The following PRKN variants were observed in gnomAD, a reference collection of about 807,000 sequenced individuals.
The protein encoded by PRKN is E3 ubiquitin-protein ligase parkin.
In PRKN, 56 loss-of-function variants were observed where a neutral mutation model predicts 59.5. The ratio of observed to expected loss-of-function variants is 0.94; its 90% CI spans 0.76 to 1.18. The LOEUF is 1.18. Ranked by LOEUF, PRKN falls within the 50% of genes most tolerant of loss-of-function variation. PRKN has a pLI of 0.00. For synonymous variants in PRKN, 250 were observed against 222.1 expected, an observed-to-expected ratio of 1.13 and a Z score of -1.12; for missense variants, 657 against 596.4, an observed-to-expected ratio of 1.10 and a Z score of -1.06.
intron 2 of PRKN, among the ~76,000 whole-genome samples, chr6:162,323,230 A>T (rs545770370): frequency 4.6e-5 from 7 of 152,102 alleles, no homozygotes; most frequent in African/African-American, 1.2e-4. Context: ...AGTATAATAA[A>T]AAAAAAATGA....
At chr6:162,711,687 C>T (rs917261236) in intron 1 of PRKN, among the ~76,000 whole-genome samples, 2 of 152,214 alleles carry the variant, frequency 1.3e-5, no homozygotes, top group African/African-American at 4.8e-5. Flanking sequence ...CAGTGTAATG[C>T]TGATTCCAAT....
chr6:162,159,223 G>A (rs1782655763), intron 4 of PRKN, among the ~76,000 whole-genome samples: 3 of 150,756 alleles, frequency 2.0e-5, no homozygotes, highest in African/African-American at 7.5e-5. Flanking sequence ...TTATCTATGA[G>A]AATCACACAG....
intron 6 of PRKN, among the ~76,000 whole-genome samples, chr6:161,946,414 A>ACACACACACTCTCTCT (rs1247187053): frequency 1.1e-4 from 13 of 114,444 alleles, no homozygotes; most frequent in African/African-American, 3.7e-4. Context: ...ACACACACAC[A>ACACACACACTCTCTCT]CTCTCTCTCT....
In PRKN at chr6:161,862,863, G is replaced by A. The variant is rs147025486; in HGVS notation, c.735-76955C>T. On this transcript the variant is annotated intron_variant, in intron 6 of 11. Transcript: ENST00000366898. ...GTAAAAGCTATTTCCTGTTTGGTTT[G>A]TTTTTTTAAGAGAAAGACTATGATG... Among the ~76,000 whole-genome samples the A allele has an allele frequency of 4.3e-3, 658 of 152,210 alleles. 6 individuals carry two copies. Among genetic ancestry groups the A allele is most frequent in the African/African-American group, 0.015 (602 of 41,510 alleles).
intron 4 of PRKN, among the ~76,000 whole-genome samples, chr6:162,149,246 T>C (rs1782157923): frequency 6.6e-6 from 1 of 152,094 alleles, no homozygotes; most frequent in East Asian, 1.9e-4. Flanking sequence ...ACTTTCTTTT[T>C]TCTTCATAAT....
At chr6:162,680,750 CCTT>C (rs768056858) in intron 1 of PRKN, among the ~76,000 whole-genome samples, 64 of 152,220 alleles carry the variant, frequency 4.2e-4, no homozygotes, top group South Asian at 4.2e-4. Context: ...AATAATCACT[CCTT>C]CTCATAAATT....
At chr6:161,770,624 C>T (rs1026162028) in intron 7 of PRKN, among the ~76,000 whole-genome samples, 22 of 151,964 alleles carry the variant, frequency 1.4e-4, no homozygotes, top group Non-Finnish European at 2.5e-4. Context: ...TGCACCACCA[C>T]GCCCAACTAA....
At chr6:162,523,947 C>CCGTGA (rs1455252121) in intron 1 of PRKN, among the ~76,000 whole-genome samples, 1 of 152,014 alleles carries the variant, frequency 6.6e-6, no homozygotes, top group African/African-American at 2.4e-5. Flanking sequence ...TGTGAATAAG[C>CCGTGA]ACAACGGCTA....
chr6:161,783,594 T>C (rs926645092), intron 7 of PRKN: 3 of 486,900 alleles, frequency 6.2e-6, no homozygotes, highest in Admixed American at 5.1e-5. Flanking sequence ...AATGAACTGA[T>C]AACTAAAAAG....
At chr6:162,118,863 T>C (rs1046090445) in intron 4 of PRKN, among the ~76,000 whole-genome samples, 1 of 152,204 alleles carries the variant, frequency 6.6e-6, no homozygotes, top group Non-Finnish European at 1.5e-5. Context: ...GTCTTCCTTG[T>C]CATGCTGCCA....
intron 2 of PRKN, among the ~76,000 whole-genome samples, chr6:162,400,457 C>CAAAAAAAAGAAAAAAA (rs1787725523): frequency 1.0e-5 from 1 of 98,662 alleles, no homozygotes; most frequent in Non-Finnish European, 2.0e-5. Flanking sequence ...ATGTAAATAT[C>CAAAAAAAAGAAAAAAA]AAAAAAAAAA....
chr6:162,441,524 C>T (rs777982701), intron 2 of PRKN, among the ~76,000 whole-genome samples: 23 of 152,078 alleles, frequency 1.5e-4, no homozygotes, highest in Non-Finnish European at 2.8e-4. Flanking sequence ...AGGTGCGATA[C>T]GGCAGTTATG....
intron 6 of PRKN, among the ~76,000 whole-genome samples, chr6:161,954,533 C>A (rs1310826534): frequency 2.0e-5 from 3 of 152,148 alleles, no homozygotes; most frequent in African/African-American, 7.2e-5. Flanking sequence ...TTTCTGAAAT[C>A]ATATTGACAC....
intron 2 of PRKN, among the ~76,000 whole-genome samples, chr6:162,289,890 C>A (rs1781348813): frequency 6.6e-6 from 1 of 151,966 alleles, no homozygotes; most frequent in South Asian, 2.1e-4. Flanking sequence ...AAAGGAAGAA[C>A]CTTGAATGTG....
rs1777890928 is a variant in PRKN at position 162,056,910 on chromosome 6, G to C, written c.535-2736C>G. Among the ~76,000 whole-genome samples, 1 of 152,124 alleles carries C rather than the reference G, an allele frequency of 6.6e-6. No individual in the cohort carries two copies. Among genetic ancestry groups the C allele is most frequent in the Admixed American group, 6.5e-5 (1 of 15,270 alleles). Reference sequence around the variant, plus strand: ...TGCCTCTCGAGTGACCACTGGGGGAGGACTCAGAGCCTTGCCTGCGGTTTC... The same window carrying C: ...TGCCTCTCGAGTGACCACTGGGGGACGACTCAGAGCCTTGCCTGCGGTTTC... On this transcript the variant is annotated intron_variant, in intron 4 of 11. Transcript: ENST00000366898. This position sits in a 1 kb window ranked among gnomAD's most constrained non-coding sequence, Gnocchi z 4.9.
At chr6:162,225,432 T>C (rs1313031508) in intron 3 of PRKN, among the ~76,000 whole-genome samples, 2 of 152,162 alleles carry the variant, frequency 1.3e-5, no homozygotes. Flanking sequence ...TACATGTTAT[T>C]GTGGTCTATT....
Position 161,597,001 on chromosome 6 carries a change from A to G in PRKN, c.872-27585T>C, listed in dbSNP as rs542863436. Among the ~76,000 whole-genome samples the G allele has an allele frequency of 4.6e-5, 7 of 152,320 alleles. No homozygotes were observed. The South Asian group carries it at 1.4e-3, about 32-fold the overall frequency. On this transcript the variant is annotated intron_variant, in intron 7 of 11. Coordinates refer to ENST00000366898, the MANE Select transcript of PRKN (RefSeq NM_004562.3). ...TCATAGGACCTAGTCTTGGCCAATG[A>G]AAAGTACCGGGAAGACTGCTGGGGG...
chr6:161,544,088 C>T lies in PRKN; in HGVS notation c.1083+4766G>A, dbSNP rs1779711513. Among the ~76,000 whole-genome samples, 1 of 152,200 alleles carries T rather than the reference C, an allele frequency of 6.6e-6. No homozygotes were observed. The highest frequency in any genetic ancestry group is 2.4e-5 in the African/African-American group (1 of 41,460). ...ATTTGGTACCAAAATACATTCTCTG[C>T]TGCGTTCTATCTATGTAAAAATATT... is the stretch of plus-strand genomic sequence containing the variant. On this transcript the variant is annotated intron_variant, in intron 9 of 11. Coordinates refer to ENST00000366898, the MANE Select transcript of PRKN (RefSeq NM_004562.3). This position sits in a 1 kb window ranked among gnomAD's most constrained non-coding sequence, Gnocchi z 5.5.
intron 5 of PRKN, among the ~76,000 whole-genome samples, chr6:162,000,834 T>C (rs1005292750): frequency 8.9e-6 from 1 of 111,906 alleles, no homozygotes; most frequent in Non-Finnish European, 1.8e-5. Flanking sequence ...GAGTACAAGA[T>C]CTGTTTCCAG....
Sources: allele counts gnomAD v4.1 joint callset (sites outside exome capture counted in the v4.1 genomes callset), GRCh38; gene constraint gnomAD v4.1.1; non-coding constraint Gnocchi (gnomAD v3.1); transcripts MANE v1.5; gene names NCBI Gene and HGNC (gene_info 2026-07-23, HGNC 2026-07-21).